Variants in CHRNA7 observed in about 807,000 individuals in gnomAD.
The protein encoded by CHRNA7 is neuronal acetylcholine receptor subunit alpha-7.
Under a neutral mutation model 48.0 loss-of-function variants are expected in CHRNA7, and 17 were observed. The observed-to-expected ratio is 0.35, with a 90% CI of 0.24 to 0.53. The LOEUF (loss-of-function observed/expected upper bound fraction) is 0.53. CHRNA7 is among the 20% of genes least tolerant of loss of function. The pLI, the probability that CHRNA7 is intolerant of heterozygous loss-of-function variation, is 0.92. For synonymous variants in CHRNA7, 75 were observed against 242.3 expected (o/e 0.31, Z 6.41); for missense variants, 155 against 577.7 (o/e 0.27, Z 7.50).
At chr15:32,069,177 A>G (rs2050014584) in intron 2 of CHRNA7, among the ~76,000 whole-genome samples, 1 of 152,242 alleles carries the variant, frequency 6.6e-6, no homozygotes, top group Non-Finnish European at 1.5e-5. Context: ...ATGAAAAGAC[A>G]ACTCACAGAA....
In CHRNA7 at chr15:32,104,835, C is replaced by T. The variant is rs147422071; in HGVS notation, c.240+3488C>T. ...GCTTCCCTTTTTAATTAAAGTTGGA[C>T]GTTTGCCATGCCCTCTAAGGAACAA... On this transcript the variant is annotated intron_variant, in intron 3 of 9. Coordinates refer to ENST00000306901, the MANE Select transcript of CHRNA7 (RefSeq NM_000746.6). Among the ~76,000 whole-genome samples the T allele has an allele frequency of 1.5e-3, 226 of 152,264 alleles. 1 individual carries two copies. Among genetic ancestry groups the T allele is most frequent in the African/African-American group, 5.0e-3 (207 of 41,562 alleles).
chr15:32,066,584 TGTA>T (rs2141211930), intron 2 of CHRNA7, among the ~76,000 whole-genome samples: 1 of 152,316 alleles, frequency 6.6e-6, no homozygotes, highest in African/African-American at 2.4e-5. Context: ...CCAGCCACAT[TGTA>T]GTATTTAAAA....
At chr15:32,055,676 A>C (rs1329403125) in intron 2 of CHRNA7, among the ~76,000 whole-genome samples, 1 of 152,192 alleles carries the variant, frequency 6.6e-6, no homozygotes, top group Non-Finnish European at 1.5e-5. Context: ...TGGAGGGGTC[A>C]AACATTCAAA....
chr15:32,105,569 A>AG (rs2050655855), intron 3 of CHRNA7, among the ~76,000 whole-genome samples: 1 of 152,206 alleles, frequency 6.6e-6, no homozygotes, highest in African/African-American at 2.4e-5. Context: ...GTATCTCCCC[A>AG]GGGATATTAC....
chr15:32,058,337 T>A (rs1438867574), intron 2 of CHRNA7, among the ~76,000 whole-genome samples: 1 of 152,240 alleles, frequency 6.6e-6, no homozygotes, highest in African/African-American at 2.4e-5. Flanking sequence ...GATGGTACCT[T>A]CATTGTTTCT....
At chr15:32,060,991 C>T (rs2049869876) in intron 2 of CHRNA7, among the ~76,000 whole-genome samples, 1 of 152,138 alleles carries the variant, frequency 6.6e-6, no homozygotes, top group African/African-American at 2.4e-5. Flanking sequence ...CATTGTGGGC[C>T]AGGAGAGCTT....
chr15:32,144,367 C>T (rs912048007), intron 4 of CHRNA7, among the ~76,000 whole-genome samples: 1 of 152,126 alleles, frequency 6.6e-6, no homozygotes, highest in Non-Finnish European at 1.5e-5. Context: ...TCATTTCAAC[C>T]TTGGTGAATC....
chr15:32,108,029 T>C (rs1173680401), intron 3 of CHRNA7, among the ~76,000 whole-genome samples: 2 of 152,144 alleles, frequency 1.3e-5, no homozygotes, highest in African/African-American at 4.8e-5. Flanking sequence ...CCATAATGTA[T>C]TTTTTTAATG....
chr15:32,050,144 G>A (rs553347488), intron 2 of CHRNA7, among the ~76,000 whole-genome samples: 2 of 152,290 alleles, frequency 1.3e-5, no homozygotes, highest in East Asian at 3.9e-4. Flanking sequence ...TCTTCTCGAT[G>A]AGTATCTTTG....
intron 2 of CHRNA7, among the ~76,000 whole-genome samples, chr15:32,034,394 A>G (rs571931097): frequency 2.0e-4 from 30 of 152,288 alleles, no homozygotes; most frequent in African/African-American, 7.2e-4. Context: ...TAAAAGACCA[A>G]TATAGTACTG....
intron 4 of CHRNA7, among the ~76,000 whole-genome samples, chr15:32,138,306 C>T (rs931255824): frequency 4.6e-5 from 7 of 151,858 alleles, no homozygotes; most frequent in African/African-American, 1.5e-4. Context: ...ATTTTGGAAA[C>T]TTAGATAGAT....
At chr15:32,146,706 T>C (rs1280119607) in intron 4 of CHRNA7, among the ~76,000 whole-genome samples, 5 of 152,238 alleles carry the variant, frequency 3.3e-5, no homozygotes, top group African/African-American at 4.8e-5. Context: ...GTATCACGTT[T>C]ATGCCTGGGA....
chr15:32,122,409 AC>A (rs2050987152), intron 4 of CHRNA7, among the ~76,000 whole-genome samples: 1 of 152,200 alleles, frequency 6.6e-6, no homozygotes, highest in Admixed American at 6.5e-5. Flanking sequence ...CACTACCCAT[AC>A]CAATCTATCT....
chr15:32,037,916 CT>C (rs1354337487), intron 2 of CHRNA7, among the ~76,000 whole-genome samples: 1 of 151,122 alleles, frequency 6.6e-6, no homozygotes, highest in African/African-American at 2.4e-5. Context: ...TTTTCTTGTC[CT>C]TTTGTATTAG....
intron 2 of CHRNA7, among the ~76,000 whole-genome samples, chr15:32,094,750 TC>T (rs1029618016): frequency 6.6e-6 from 1 of 151,934 alleles, no homozygotes; most frequent in African/African-American, 2.4e-5. Context: ...AAGCTCCGCC[TC>T]CCAGGTTCGT....
intron 2 of CHRNA7, among the ~76,000 whole-genome samples, chr15:32,075,209 T>C (rs191422650): frequency 1.2e-4 from 18 of 152,302 alleles, no homozygotes; most frequent in Non-Finnish European, 2.1e-4. Context: ...GTAAGCAGGG[T>C]AATACTGGCT....
Position 32,031,858 on chromosome 15 carries a change from C to T in CHRNA7, c.195+821C>T, listed in dbSNP as rs531311454. Among the ~76,000 whole-genome samples, 7 of 152,318 alleles carry T rather than the reference C, an allele frequency of 4.6e-5. No homozygotes were observed. The South Asian group carries it at 1.4e-3, about 32-fold the overall frequency. Reference sequence around the variant, plus strand: ...ATTATAAGTGGGTTTGGTGTCTTGTCTATACGGAGTATCGGATTCTATTGT... The same window carrying T: ...ATTATAAGTGGGTTTGGTGTCTTGTTTATACGGAGTATCGGATTCTATTGT... On this transcript the variant is annotated intron_variant, in intron 2 of 9. Transcript: ENST00000306901.
In CHRNA7 at chr15:32,149,468, C is replaced by T. The variant is rs756023908; in HGVS notation, c.351-4439C>T. Among the ~76,000 whole-genome samples, 4 of 152,194 alleles carry T rather than the reference C, an allele frequency of 2.6e-5. 1 individual carries two copies. Among genetic ancestry groups the T allele is most frequent in the Non-Finnish European group, 5.9e-5 (4 of 68,034 alleles). On this transcript the variant is annotated intron_variant, in intron 4 of 9. Coordinates refer to ENST00000306901, the MANE Select transcript of CHRNA7 (RefSeq NM_000746.6). The surrounding 1 kb of genome is among the most constrained non-coding windows in gnomAD (Gnocchi z 4.6). ...ATTTCCCACCTCAGATCACTGTTTTCAAACTCAGTTTTCAGCAACAGGGCC... is the reference window on the plus strand; with the variant it reads ...ATTTCCCACCTCAGATCACTGTTTTTAAACTCAGTTTTCAGCAACAGGGCC...
chr15:32,080,897 T>A (rs186698787), intron 2 of CHRNA7, among the ~76,000 whole-genome samples: 9 of 152,286 alleles, frequency 5.9e-5, no homozygotes, highest in Admixed American at 3.3e-4. Context: ...TCAACCCAAA[T>A]TCTCATCAAT....
Sources: gnomAD v4.1 joint callset for allele counts (sites outside exome capture counted in the v4.1 genomes callset) on GRCh38, gnomAD v4.1.1 for gene constraint, Gnocchi (gnomAD v3.1) non-coding constraint, MANE v1.5 for transcripts, NCBI Gene and HGNC (gene_info 2026-07-23, HGNC 2026-07-21) for gene names.